Variants in FOXP1 observed in about 807,000 individuals in gnomAD.
FOXP1 encodes forkhead box protein P1.
Under a neutral mutation model 98.2 loss-of-function variants are expected in FOXP1, and 15 were observed. The ratio of observed to expected loss-of-function variants is 0.15; its 90% CI spans 0.10 to 0.24. FOXP1 has a LOEUF of 0.24. Ranked by LOEUF, FOXP1 falls within the 10% of genes least tolerant of loss-of-function variation. The pLI is 1.00. For synonymous variants in FOXP1, 371 were observed against 314.5 expected, an observed-to-expected ratio of 1.18 and a Z score of -1.90; for missense variants, 633 against 848.5, an observed-to-expected ratio of 0.75 and a Z score of 3.15.
chr3:71,545,595 T>C (rs970706707), intron 2 of FOXP1, among the ~76,000 whole-genome samples: 14 of 152,200 alleles, frequency 9.2e-5, no homozygotes, highest in Non-Finnish European at 1.6e-4. Context: ...TCCTTAATGT[T>C]TGTTTAAAAT....
chr3:71,299,445 T>C (rs1422900223), intron 5 of FOXP1, among the ~76,000 whole-genome samples: 1 of 152,234 alleles, frequency 6.6e-6, no homozygotes, highest in Non-Finnish European at 1.5e-5. Context: ...CAGCACACAA[T>C]ACTGACATGC....
At chr3:71,567,762 A>G (rs982416748) in intron 2 of FOXP1, 4 of 151,938 alleles carry the variant, frequency 2.6e-5, no homozygotes, top group African/African-American at 9.7e-5. Flanking sequence ...TTATTTAACA[A>G]CTAACACTTT....
At chr3:71,430,221 C>A (rs1037064542) in intron 3 of FOXP1, among the ~76,000 whole-genome samples, 1 of 152,144 alleles carries the variant, frequency 6.6e-6, no homozygotes. Flanking sequence ...GACTTTGCAG[C>A]GTGAGCGATT....
chr3:71,310,809 T>C (rs1245178037), intron 4 of FOXP1, among the ~76,000 whole-genome samples: 2 of 152,174 alleles, frequency 1.3e-5, no homozygotes, highest in Non-Finnish European at 2.9e-5. Context: ...GGCCACCAGT[T>C]GGCAGACACA....
chr3:71,415,817 A>G (rs149040178), intron 3 of FOXP1, among the ~76,000 whole-genome samples: 1 of 152,290 alleles, frequency 6.6e-6, no homozygotes, highest in African/African-American at 2.4e-5. Context: ...TCACTCCTCA[A>G]AAAGAACCTC....
intron 6 of FOXP1, among the ~76,000 whole-genome samples, chr3:71,131,528 G>C (rs555561007): frequency 6.6e-6 from 1 of 152,156 alleles, no homozygotes; most frequent in East Asian, 1.9e-4. Flanking sequence ...TGGACTGTCT[G>C]TCATCCAGGT....
At chr3:71,567,101 A>C in intron 2 of FOXP1, among the ~76,000 whole-genome samples, 1 of 152,216 alleles carries the variant, frequency 6.6e-6, no homozygotes, top group East Asian at 1.9e-4. Context: ...GTGGGAACAA[A>C]GCAAAAAAGC....
At chr3:71,021,884 T>C (rs1338646900) in intron 11 of FOXP1, among the ~76,000 whole-genome samples, 1 of 152,230 alleles carries the variant, frequency 6.6e-6, no homozygotes, top group Non-Finnish European at 1.5e-5. Context: ...TTTGCAAATA[T>C]TTACTCCTGT....
chr3:71,503,324 A>C (rs1348679409), intron 2 of FOXP1, among the ~76,000 whole-genome samples: 1 of 152,188 alleles, frequency 6.6e-6, no homozygotes, highest in Non-Finnish European at 1.5e-5. Context: ...AATACAGGCC[A>C]AATTACTTGC....
At chr3:71,206,907 A>C (rs1215200141) in intron 5 of FOXP1, among the ~76,000 whole-genome samples, 1 of 152,178 alleles carries the variant, frequency 6.6e-6, no homozygotes, top group East Asian at 1.9e-4. Context: ...GGAAGTTAGA[A>C]AGAAGCCGCT....
chr3:71,268,946 A>G (rs980653931), intron 5 of FOXP1, among the ~76,000 whole-genome samples: 2 of 152,108 alleles, frequency 1.3e-5, no homozygotes, highest in Admixed American at 1.3e-4. Context: ...TTATTACCCA[A>G]CATGTAGCCT....
intron 2 of FOXP1, among the ~76,000 whole-genome samples, chr3:71,534,620 G>C (rs2044142254): frequency 6.6e-6 from 1 of 152,168 alleles, no homozygotes; most frequent in Admixed American, 6.5e-5. Flanking sequence ...TTGCTTACTT[G>C]AAAATGCAGA....
At chr3:71,148,936 GC>G (rs1269941003) in intron 6 of FOXP1, among the ~76,000 whole-genome samples, 1 of 152,194 alleles carries the variant, frequency 6.6e-6, no homozygotes, top group African/African-American at 2.4e-5. Context: ...GGAGGCAAGG[GC>G]ACTTCCAGTT....
At chr3:71,344,553 G>A (rs1051912246) in intron 4 of FOXP1, among the ~76,000 whole-genome samples, 2 of 152,166 alleles carry the variant, frequency 1.3e-5, no homozygotes, top group Non-Finnish European at 2.9e-5. Context: ...AATCATATTT[G>A]AAGCTGGGTA....
At chr3:70,967,687 G>GTTTTTTTTTTTTT (rs67711426) in intron 19 of FOXP1, among the ~76,000 whole-genome samples, 18 of 61,306 alleles carry the variant, frequency 2.9e-4, no homozygotes, top group Non-Finnish European at 4.6e-4. Context: ...ACTATTATTT[G>GTTTTTTTTTTTTT]TTTTTTTTTT....
At chr3:71,121,415 A>G (rs1306182680) in intron 6 of FOXP1, among the ~76,000 whole-genome samples, 1 of 151,826 alleles carries the variant, frequency 6.6e-6, no homozygotes, top group Non-Finnish European at 1.5e-5. Context: ...TTGCAAAATT[A>G]GATGTAGTAA....
At chr3:71,260,319 G>A (rs2069010114) in intron 5 of FOXP1, among the ~76,000 whole-genome samples, 2 of 152,090 alleles carry the variant, frequency 1.3e-5, no homozygotes, top group Non-Finnish European at 2.9e-5. Context: ...TCGGGGCGCG[G>A]GGGGAGAAAT....
chr3:71,195,531 T>G (rs1187300747), intron 6 of FOXP1, among the ~76,000 whole-genome samples: 1 of 152,210 alleles, frequency 6.6e-6, no homozygotes, highest in Non-Finnish European at 1.5e-5. Flanking sequence ...TCCATGGACT[T>G]CTAACATATT....
intron 3 of FOXP1, among the ~76,000 whole-genome samples, chr3:71,463,630 T>G (rs962588163): frequency 6.6e-6 from 1 of 152,172 alleles, no homozygotes; most frequent in African/African-American, 2.4e-5. Flanking sequence ...GGTGTTGTAC[T>G]TTCAATTAAT....
Sources: allele counts gnomAD v4.1 joint callset (sites outside exome capture counted in the v4.1 genomes callset), GRCh38; gene constraint gnomAD v4.1.1; transcripts MANE v1.5; gene names NCBI Gene and HGNC (gene_info 2026-07-23, HGNC 2026-07-21).